Variants in ACTR3C observed in about 807,000 individuals in gnomAD.
ACTR3C encodes the protein actin-related protein 3C.
Under a neutral mutation model 26.3 loss-of-function variants are expected in ACTR3C, and 18 were observed. That is an observed-to-expected ratio of 0.68 (90% CI 0.47 to 1.01). The LOEUF (loss-of-function observed/expected upper bound fraction) is 1.01. Among genes scored for constraint, ACTR3C ranks in the 50% least tolerant of loss-of-function variants. ACTR3C has a pLI of 0.00. For synonymous variants in ACTR3C, 55 were observed against 94.5 expected, an observed-to-expected ratio of 0.58 and a Z score of 2.42; for missense variants, 184 against 250.7, an observed-to-expected ratio of 0.73 and a Z score of 1.80.
At chr7:150,013,501 G>T in the ACTR3C span, among the ~76,000 whole-genome samples, 3 of 148,964 alleles carry the variant, frequency 2.0e-5, no homozygotes, top group African/African-American at 7.6e-5. Context: ...TGTCTTAATG[G>T]ATGAAGCTAA....
At chr7:150,316,935 T>G (rs1271185161) in intron 1 of ACTR3C, among the ~76,000 whole-genome samples, 1 of 152,242 alleles carries the variant, frequency 6.6e-6, no homozygotes, top group Admixed American at 6.5e-5. Context: ...GTCTTCTTTT[T>G]GTTGTCTTTA....
the ACTR3C span, among the ~76,000 whole-genome samples, chr7:150,150,566 G>A: frequency 7.2e-6 from 1 of 139,244 alleles, no homozygotes; most frequent in African/African-American, 2.5e-5. Flanking sequence ...CCTCTACTGG[G>A]ATATGTTTGT....
chr7:149,887,481 C>T, the ACTR3C span, among the ~76,000 whole-genome samples: 6 of 152,322 alleles, frequency 3.9e-5, no homozygotes, highest in South Asian at 2.1e-4. Context: ...ACACGCCAGG[C>T]GCCTTCCAGG....
At chr7:150,293,828 C>T (rs1397411847) in intron 2 of ACTR3C, among the ~76,000 whole-genome samples, 5 of 152,080 alleles carry the variant, frequency 3.3e-5, no homozygotes, top group African/African-American at 4.8e-5. Flanking sequence ...CCCAGCTACT[C>T]GGGAGACTGA....
the ACTR3C span, among the ~76,000 whole-genome samples, chr7:150,206,698 A>G: frequency 6.6e-6 from 1 of 152,172 alleles, no homozygotes. Flanking sequence ...CTGGAATTAT[A>G]GGCGTGAGCC....
chr7:150,127,182 A>T, the ACTR3C span, among the ~76,000 whole-genome samples: 1 of 132,238 alleles, frequency 7.6e-6, no homozygotes, highest in African/African-American at 2.8e-5. Flanking sequence ...ACACACACAC[A>T]CACACACGAG....
At chr7:150,249,544 C>T (rs1483203591) in intron 6 of ACTR3C, among the ~76,000 whole-genome samples, 1 of 152,110 alleles carries the variant, frequency 6.6e-6, no homozygotes, top group African/African-American at 2.4e-5. Context: ...ACCTGTGGCT[C>T]CTGGGTTCAA....
At chr7:150,290,979 T>A in intron 3 of ACTR3C, among the ~76,000 whole-genome samples, 1 of 152,206 alleles carries the variant, frequency 6.6e-6, no homozygotes, top group Non-Finnish European at 1.5e-5. Flanking sequence ...TTTCACAGAA[T>A]ATTTAACCAC....
At chr7:150,187,015 T>C in the ACTR3C span, among the ~76,000 whole-genome samples, 10 of 152,262 alleles carry the variant, frequency 6.6e-5, no homozygotes, top group South Asian at 1.7e-3. Flanking sequence ...TTCAAGAAGA[T>C]TGAATAACCA....
chr7:150,288,957 A>G (rs3095094), intron 4 of ACTR3C, among the ~76,000 whole-genome samples: 1 of 151,792 alleles, frequency 6.6e-6, no homozygotes, highest in African/African-American at 2.4e-5. Flanking sequence ...TGTGGGTGTC[A>G]GGCTCACCCC....
chr7:150,113,552 A>T, the ACTR3C span, among the ~76,000 whole-genome samples: 4 of 152,230 alleles, frequency 2.6e-5, no homozygotes, highest in Non-Finnish European at 4.4e-5. Context: ...AGCAGTATAT[A>T]TGCTTAGTGG....
chr7:150,188,486 A>G, the ACTR3C span, among the ~76,000 whole-genome samples: 1 of 151,710 alleles, frequency 6.6e-6, no homozygotes, highest in African/African-American at 2.4e-5. Context: ...GAATAGAATT[A>G]CTGGGTCTAT....
intron 1 of ACTR3C, among the ~76,000 whole-genome samples, chr7:150,316,324 A>G (rs943637888): frequency 6.6e-6 from 1 of 152,208 alleles, no homozygotes; most frequent in African/African-American, 2.4e-5. Flanking sequence ...GGCTGTCAAT[A>G]CATTGCACAC....
At chr7:150,089,618 C>T in the ACTR3C span, among the ~76,000 whole-genome samples, 1 of 152,306 alleles carries the variant, frequency 6.6e-6, no homozygotes, top group Admixed American at 6.5e-5. Flanking sequence ...GGTTATCCTG[C>T]ACTCAACAAC....
chr7:150,048,554 C>T, the ACTR3C span, among the ~76,000 whole-genome samples: 4 of 152,114 alleles, frequency 2.6e-5, no homozygotes, highest in Admixed American at 2.0e-4. Context: ...GCGTGCCCCG[C>T]AGCACGCGAG....
the ACTR3C span, among the ~76,000 whole-genome samples, chr7:150,235,453 C>T: frequency 0.06 from 9,086 of 152,256 alleles, 492 homozygotes; most frequent in African/African-American, 0.14. Context: ...GCTTTCAACA[C>T]CCCGAAGCAT....
At chr7:149,916,630 TA>T in the ACTR3C span, among the ~76,000 whole-genome samples, 1 of 104,444 alleles carries the variant, frequency 9.6e-6, no homozygotes, top group African/African-American at 3.4e-5. Flanking sequence ...CATATGTATA[TA>T]AGCATTCAAG....
At chr7:150,292,333 A>C (rs1252773828) in intron 3 of ACTR3C, among the ~76,000 whole-genome samples, 1 of 151,832 alleles carries the variant, frequency 6.6e-6, no homozygotes, top group Non-Finnish European at 1.5e-5. Context: ...TACATTTTCC[A>C]AAAAAAATGA....
downstream of ACTR3C, among the ~76,000 whole-genome samples, chr7:150,240,556 A>G (rs1431218802): frequency 7.2e-5 from 11 of 152,328 alleles, no homozygotes; most frequent in Non-Finnish European, 1.6e-4. Flanking sequence ...CATTCTGCAC[A>G]TGTATCCTAC....
Sources: gnomAD v4.1 joint callset for allele counts (sites outside exome capture counted in the v4.1 genomes callset) on GRCh38, gnomAD v4.1.1 for gene constraint, MANE v1.5 for transcripts, NCBI Gene and HGNC (gene_info 2026-07-23, HGNC 2026-07-21) for gene names.